The following CSMD1 variants were observed in gnomAD, a reference collection of about 807,000 sequenced individuals.
The protein encoded by CSMD1 is CUB and Sushi multiple domains 1.
In CSMD1, 213 loss-of-function variants were observed where a neutral mutation model predicts 417.5. The observed-to-expected ratio is 0.51, with a 90% CI of 0.46 to 0.57. The LOEUF is 0.57. Among genes scored for constraint, CSMD1 ranks in the 20% least tolerant of loss-of-function variants. CSMD1 has a pLI of 0.00. For missense variants in CSMD1, 6,923 were observed against 4,529.7 expected, an observed-to-expected ratio of 1.53 and a Z score of -15.17; for synonymous variants, 2,862 against 1,736.8, an observed-to-expected ratio of 1.65 and a Z score of -16.11.
At chr8:3,393,487 A>AT (rs959237619) in intron 17 of CSMD1, among the ~76,000 whole-genome samples, 2 of 152,154 alleles carry the variant, frequency 1.3e-5, no homozygotes, top group East Asian at 3.9e-4. Context: ...GAAAAATGGC[A>AT]TTTTTTTCAT....
At chr8:4,935,772 AG>A (rs1212351711) in intron 1 of CSMD1, among the ~76,000 whole-genome samples, 10 of 152,200 alleles carry the variant, frequency 6.6e-5, no homozygotes, top group African/African-American at 9.6e-5. Flanking sequence ...GTGATTAGAA[AG>A]AAAGACGAGG....
chr8:4,490,194 C>A (rs549308676), intron 2 of CSMD1, among the ~76,000 whole-genome samples: 195 of 152,198 alleles, frequency 1.3e-3, no homozygotes, highest in Non-Finnish European at 2.1e-3. Flanking sequence ...GTGCCCGCCA[C>A]TGCAGCCAGC....
intron 2 of CSMD1, among the ~76,000 whole-genome samples, chr8:4,440,474 AT>A (rs2032985664): frequency 6.6e-6 from 1 of 152,332 alleles, no homozygotes; most frequent in Non-Finnish European, 1.5e-5. Context: ...ACAAAAAAAA[AT>A]CTCAGCAACT....
At chr8:3,103,732 C>G (rs1253344529) in intron 46 of CSMD1, among the ~76,000 whole-genome samples, 1 of 143,816 alleles carries the variant, frequency 7.0e-6, no homozygotes, top group Non-Finnish European at 1.5e-5. Context: ...ACACCCTAAT[C>G]AAATTCCTTT....
intron 25 of CSMD1, among the ~76,000 whole-genome samples, chr8:3,297,241 C>T (rs1232363662): frequency 6.6e-6 from 1 of 152,164 alleles, no homozygotes; most frequent in African/African-American, 2.4e-5. Flanking sequence ...TAAAAGATGT[C>T]AGTTTTCCCC....
chr8:4,755,085 C>A (rs1387963345), intron 1 of CSMD1, among the ~76,000 whole-genome samples: 1 of 152,128 alleles, frequency 6.6e-6, no homozygotes, highest in Admixed American at 6.6e-5. Context: ...TTGCAGTGAG[C>A]CGATATGGTG....
At chr8:4,564,642 C>T (rs897409871) in intron 2 of CSMD1, among the ~76,000 whole-genome samples, 1 of 152,210 alleles carries the variant, frequency 6.6e-6, no homozygotes. Context: ...TAATCTGACA[C>T]TTCACTGAGG....
chr8:4,752,338 G>A (rs1205222345), intron 1 of CSMD1, among the ~76,000 whole-genome samples: 2 of 152,038 alleles, frequency 1.3e-5, no homozygotes, highest in Non-Finnish European at 2.9e-5. Context: ...GTATTTCTCT[G>A]TGAGCAATCT....
chr8:3,990,202 C>A (rs1322920148), intron 5 of CSMD1, among the ~76,000 whole-genome samples: 1 of 152,172 alleles, frequency 6.6e-6, no homozygotes, highest in Admixed American at 6.5e-5. Flanking sequence ...AGTGTGATTA[C>A]AAACAACAGG....
At chr8:4,499,495 C>T (rs560775392) in intron 2 of CSMD1, among the ~76,000 whole-genome samples, 1 of 152,290 alleles carries the variant, frequency 6.6e-6, no homozygotes, top group East Asian at 1.9e-4. Context: ...TTGCAAGAAC[C>T]AGCAAGACTT....
chr8:4,050,382 T>C (rs559208968), intron 3 of CSMD1, among the ~76,000 whole-genome samples: 1 of 152,314 alleles, frequency 6.6e-6, no homozygotes, highest in East Asian at 1.9e-4. Context: ...ATCTACAAAC[T>C]TTTTTAATTT....
intron 2 of CSMD1, among the ~76,000 whole-genome samples, chr8:4,455,047 C>T (rs528373138): frequency 6.6e-6 from 1 of 152,110 alleles, no homozygotes; most frequent in Non-Finnish European, 1.5e-5. Flanking sequence ...AACACAATAT[C>T]ACCATGTTTA....
At chr8:4,509,497 GC>G (rs1790249244) in intron 2 of CSMD1, among the ~76,000 whole-genome samples, 1 of 152,134 alleles carries the variant, frequency 6.6e-6, no homozygotes, top group Non-Finnish European at 1.5e-5. Flanking sequence ...CTTACTAGAC[GC>G]TGTCTACGTC....
chr8:3,710,783 T>G (rs1420287952), intron 6 of CSMD1, among the ~76,000 whole-genome samples: 1 of 152,162 alleles, frequency 6.6e-6, no homozygotes, highest in African/African-American at 2.4e-5. Flanking sequence ...CGCCAGCTCA[T>G]ATCAGGAAGC....
intron 3 of CSMD1, among the ~76,000 whole-genome samples, chr8:4,380,574 G>C (rs68093624): frequency 0.11 from 15,993 of 152,202 alleles, 1,078 homozygotes; most frequent in African/African-American, 0.19. Flanking sequence ...GGGACCCGTG[G>C]ATGGAATGAG....
intron 3 of CSMD1, among the ~76,000 whole-genome samples, chr8:4,237,541 T>A: frequency 6.6e-6 from 1 of 152,048 alleles, no homozygotes; most frequent in East Asian, 1.9e-4. Context: ...CTACTTTTTT[T>A]TTTTTGTTTT....
intron 2 of CSMD1, among the ~76,000 whole-genome samples, chr8:4,471,489 A>G (rs770138082): frequency 3.9e-4 from 59 of 152,228 alleles, no homozygotes; most frequent in Middle Eastern, 3.4e-3. Context: ...GCCTAACAAA[A>G]CATGGCTCAG....
At chr8:4,010,054 A>G (rs1187165468) in intron 4 of CSMD1, among the ~76,000 whole-genome samples, 1 of 152,162 alleles carries the variant, frequency 6.6e-6, no homozygotes, top group African/African-American at 2.4e-5. Flanking sequence ...CTGAAAGTCA[A>G]TTATAAACAG....
intron 1 of CSMD1, among the ~76,000 whole-genome samples, chr8:4,762,498 A>G (rs1230311695): frequency 2.6e-5 from 4 of 152,204 alleles, no homozygotes; most frequent in Non-Finnish European, 5.9e-5. Context: ...TATCAAATTT[A>G]CATAGGTAAG....
Sources: allele counts gnomAD v4.1 joint callset (sites outside exome capture counted in the v4.1 genomes callset), GRCh38; gene constraint gnomAD v4.1.1; transcripts MANE v1.5; gene names NCBI Gene and HGNC (gene_info 2026-07-23, HGNC 2026-07-21).